UNC13C: variants seen among roughly 807,000 people sequenced by gnomAD.
The protein encoded by UNC13C is protein unc-13 homolog C.
Under a neutral mutation model 245.4 loss-of-function variants are expected in UNC13C, and 174 were observed. The ratio of observed to expected loss-of-function variants is 0.71; its 90% CI spans 0.63 to 0.80. The LOEUF (loss-of-function observed/expected upper bound fraction) is 0.80, where lower values mean the gene tolerates loss of function less well. Among genes scored for constraint, UNC13C ranks in the 30% least tolerant of loss-of-function variants. The pLI is 0.00. For missense variants in UNC13C, 2,829 were observed against 2,602.9 expected, an observed-to-expected ratio of 1.09 and a Z score of -1.89; for synonymous variants, 992 against 895.1, an observed-to-expected ratio of 1.11 and a Z score of -1.93.
chr15:54,576,429 T>G (rs1897958300), intron 30 of UNC13C, among the ~76,000 whole-genome samples: 2 of 152,236 alleles, frequency 1.3e-5, no homozygotes, highest in South Asian at 4.1e-4. Context: ...GGAGATGATC[T>G]TTAAGCTGAT....
intron 30 of UNC13C, among the ~76,000 whole-genome samples, chr15:54,590,299 A>T (rs1177360590): frequency 6.6e-6 from 1 of 152,108 alleles, no homozygotes; most frequent in Non-Finnish European, 1.5e-5. Context: ...TATGAATTTT[A>T]GAATTCTTTT....
chr15:54,620,945 C>T (rs1029357310), intron 30 of UNC13C, among the ~76,000 whole-genome samples: 25 of 152,110 alleles, frequency 1.6e-4, no homozygotes, highest in African/African-American at 5.8e-4. Flanking sequence ...AAAGATGACT[C>T]CATCTGTACT....
chr15:54,629,131 C>T (rs1040622684), downstream of UNC13C: 5 of 152,088 alleles, frequency 3.3e-5, no homozygotes, highest in Non-Finnish European at 7.4e-5. Context: ...CCATGTCCTT[C>T]ACAGTGACAT....
intron 2 of UNC13C, among the ~76,000 whole-genome samples, chr15:54,047,723 CT>C (rs905505227): frequency 1.3e-5 from 2 of 152,092 alleles, no homozygotes; most frequent in African/African-American, 4.8e-5. Flanking sequence ...TAAGTATCTG[CT>C]TTTTAAACAT....
At chr15:54,221,987 A>G (rs139640352) in intron 4 of UNC13C, among the ~76,000 whole-genome samples, 11 of 152,184 alleles carry the variant, frequency 7.2e-5, no homozygotes, top group African/African-American at 2.4e-4. Flanking sequence ...CATAGTAGGT[A>G]TAGATATTCA....
At chr15:54,534,875 C>T (rs753226778) in intron 26 of UNC13C, among the ~76,000 whole-genome samples, 1 of 152,128 alleles carries the variant, frequency 6.6e-6, no homozygotes, top group Non-Finnish European at 1.5e-5. Context: ...AAATTTGTTA[C>T]CCTAGACCTG....
chr15:54,155,387 T>G (rs558320462), intron 4 of UNC13C, among the ~76,000 whole-genome samples: 1 of 152,296 alleles, frequency 6.6e-6, no homozygotes, highest in South Asian at 2.1e-4. Context: ...CCACATTCTA[T>G]TGTGAAAACA....
At chr15:54,219,308 A>G (rs979607843) in intron 4 of UNC13C, among the ~76,000 whole-genome samples, 79 of 151,422 alleles carry the variant, frequency 5.2e-4, no homozygotes, top group Middle Eastern at 3.4e-3. Flanking sequence ...ATCTACAACT[A>G]TCTGATCTTT....
At chr15:53,890,716 T>C in the UNC13C span, among the ~76,000 whole-genome samples, 1 of 151,386 alleles carries the variant, frequency 6.6e-6, no homozygotes, top group South Asian at 2.1e-4. Flanking sequence ...TGATATCCCT[T>C]TTATCATTTT....
At chr15:54,577,759 C>G (rs979157572) in intron 30 of UNC13C, among the ~76,000 whole-genome samples, 1 of 152,134 alleles carries the variant, frequency 6.6e-6, no homozygotes, top group Non-Finnish European at 1.5e-5. Flanking sequence ...CAGCGAAACC[C>G]TCATAAAAAG....
chr15:53,916,857 G>A, the UNC13C span, among the ~76,000 whole-genome samples: 1 of 152,170 alleles, frequency 6.6e-6, no homozygotes, highest in Non-Finnish European at 1.5e-5. Flanking sequence ...AGTTTCTGAT[G>A]CACTGAAGCT....
chr15:54,124,048 G>T (rs941670767), intron 2 of UNC13C, among the ~76,000 whole-genome samples: 3 of 152,040 alleles, frequency 2.0e-5, no homozygotes, highest in Admixed American at 2.0e-4. Context: ...TTTTACTGCT[G>T]ACTAGCGTCC....
chr15:54,337,867 G>C lies in UNC13C; in HGVS notation c.4585-494G>C, dbSNP rs559294682. Among the ~76,000 whole-genome samples, 9 of 152,238 alleles carry C rather than the reference G, an allele frequency of 5.9e-5. No individual in the cohort carries two copies. In the South Asian group the frequency reaches 1.2e-3, roughly 21 times the overall value. On this transcript the variant is annotated intron_variant, in intron 16 of 32. Transcript: ENST00000260323. ...AGTTTCCCCTTGTTCTCACCCTACA[G>C]CTTCATTTACTCTTGCCGTTTATTG...
chr15:54,396,062 T>G (rs1488143487), intron 18 of UNC13C, among the ~76,000 whole-genome samples: 1 of 150,642 alleles, frequency 6.6e-6, no homozygotes, highest in Non-Finnish European at 1.5e-5. Context: ...GGTCCAGGTT[T>G]CTGTCTCTTT....
At chr15:54,455,205 C>CTATATATATATATATATATATA (rs1214014395) in intron 19 of UNC13C, among the ~76,000 whole-genome samples, 8 of 18,958 alleles carry the variant, frequency 4.2e-4, no homozygotes, top group African/African-American at 9.5e-4. Flanking sequence ...CTCTCTCTCT[C>CTATATATATATATATATATATA]TATATATATA....
At chr15:54,074,422 T>C (rs1376542174) in intron 2 of UNC13C, among the ~76,000 whole-genome samples, 2 of 152,180 alleles carry the variant, frequency 1.3e-5, no homozygotes, top group East Asian at 3.8e-4. Flanking sequence ...ATAAAGTCAG[T>C]GGTAGCTTAA....
chr15:54,054,058 G>A (rs1337895386), intron 2 of UNC13C, among the ~76,000 whole-genome samples: 1 of 152,116 alleles, frequency 6.6e-6, no homozygotes, highest in Non-Finnish European at 1.5e-5. Flanking sequence ...CCAAATCTTG[G>A]CTATTGTGAA....
the UNC13C span, among the ~76,000 whole-genome samples, chr15:53,893,323 C>T: frequency 6.6e-6 from 1 of 152,198 alleles, no homozygotes; most frequent in East Asian, 1.9e-4. Flanking sequence ...AGTCAGGATA[C>T]ACGGGGGTCA....
chr15:54,601,476 A>C (rs1310941952), intron 30 of UNC13C, among the ~76,000 whole-genome samples: 1 of 152,146 alleles, frequency 6.6e-6, no homozygotes, highest in Non-Finnish European at 1.5e-5. Flanking sequence ...GGATCTGAAT[A>C]GTTACCAATA....
Sources: allele counts gnomAD v4.1 joint callset (sites outside exome capture counted in the v4.1 genomes callset), GRCh38; gene constraint gnomAD v4.1.1; transcripts MANE v1.5; gene names NCBI Gene and HGNC (gene_info 2026-07-23, HGNC 2026-07-21).